NRXN1: variants seen among roughly 807,000 people sequenced by gnomAD.
NRXN1 encodes neurexin 1.
A neutral mutation model predicts 150.9 loss-of-function variants in NRXN1; 39 were observed. The ratio of observed to expected loss-of-function variants is 0.26; its 90% CI spans 0.20 to 0.34. The LOEUF (loss-of-function observed/expected upper bound fraction) is 0.34, where lower values mean the gene tolerates loss of function less well. Ranked by LOEUF, NRXN1 falls within the 10% of genes least tolerant of loss-of-function variation. The pLI, the probability that NRXN1 is intolerant of heterozygous loss-of-function variation, is 1.00. For synonymous variants in NRXN1, 924 were observed against 757.0 expected (o/e 1.22, Z -3.62); for missense variants, 1,815 against 1,949.9 (o/e 0.93, Z 1.30).
At chr2:50,265,989 ATTATTATTAT>A (rs1248668711) in intron 17 of NRXN1, among the ~76,000 whole-genome samples, 1 of 93,712 alleles carries the variant, frequency 1.1e-5, no homozygotes, top group Non-Finnish European at 2.1e-5. Flanking sequence ...TATTATTATT[ATTATTATTAT>A]TTATTTTTTT....
intron 5 of NRXN1, among the ~76,000 whole-genome samples, chr2:50,809,371 T>G (rs1014964131): frequency 6.6e-6 from 1 of 152,150 alleles, no homozygotes; most frequent in Non-Finnish European, 1.5e-5. Flanking sequence ...GGAATTAATG[T>G]CATCCTTTAA....
chr2:50,834,538 A>C (rs1022205152), intron 5 of NRXN1, among the ~76,000 whole-genome samples: 9 of 152,160 alleles, frequency 5.9e-5, no homozygotes, highest in Non-Finnish European at 1.3e-4. Flanking sequence ...GACCAGTTTC[A>C]TGTATCATAA....
At chr2:50,068,217 T>C (rs551988151) in intron 19 of NRXN1, among the ~76,000 whole-genome samples, 1 of 152,288 alleles carries the variant, frequency 6.6e-6, no homozygotes, top group East Asian at 1.9e-4. Flanking sequence ...TGTATGCAAA[T>C]AATTTAAGAT....
chr2:50,591,602 T>A (rs578097059), intron 8 of NRXN1, among the ~76,000 whole-genome samples: 1 of 152,314 alleles, frequency 6.6e-6, no homozygotes, highest in Non-Finnish European at 1.5e-5. Flanking sequence ...TTCTTTGAAG[T>A]TTCCTCACAT....
At chr2:49,997,124 C>T (rs917190258) in intron 21 of NRXN1, among the ~76,000 whole-genome samples, 4 of 152,048 alleles carry the variant, frequency 2.6e-5, no homozygotes, top group African/African-American at 9.7e-5. Flanking sequence ...TTTTCGAACA[C>T]AGTACGTTTG....
At chr2:50,190,368 T>C (rs539082118) in intron 18 of NRXN1, among the ~76,000 whole-genome samples, 1 of 152,228 alleles carries the variant, frequency 6.6e-6, no homozygotes, top group East Asian at 1.9e-4. Context: ...TGCATAAAAG[T>C]TTATTCTTGG....
intron 17 of NRXN1, among the ~76,000 whole-genome samples, chr2:50,280,606 A>C (rs548651633): frequency 9.2e-5 from 14 of 152,188 alleles, no homozygotes; most frequent in Non-Finnish European, 1.6e-4. Context: ...GCCTACCTTA[A>C]AAACGCTTTG....
Position 50,959,984 on chromosome 2 carries a change from T to C in NRXN1, c.773-34029A>G, listed in dbSNP as rs754537939. On this transcript the variant is annotated intron_variant, in intron 2 of 22. Transcript: ENST00000401669. ...TAGTCCTGGACTGCTTCTATAACCA[T>C]TTTCTTATACACAAAAATTCTCCGA... Among the ~76,000 whole-genome samples the C allele has an allele frequency of 3.8e-4, 58 of 152,106 alleles. No homozygotes were observed. In the Middle Eastern group the frequency reaches 0.017, roughly 45 times the overall value.
At chr2:50,243,183 AC>A (rs888671435) in intron 17 of NRXN1, among the ~76,000 whole-genome samples, 29 of 151,838 alleles carry the variant, frequency 1.9e-4, no homozygotes, top group African/African-American at 6.7e-4. Context: ...TGATCTAACA[AC>A]AAAGAAATGA....
intron 19 of NRXN1, among the ~76,000 whole-genome samples, chr2:50,075,840 A>G (rs4971552): frequency 0.53 from 79,692 of 151,680 alleles, 21,128 homozygotes; most frequent in Middle Eastern, 0.58. Flanking sequence ...GGCTATGTAC[A>G]TGCACATGAC....
At chr2:50,270,042 C>G (rs1317152459) in intron 17 of NRXN1, among the ~76,000 whole-genome samples, 1 of 152,168 alleles carries the variant, frequency 6.6e-6, no homozygotes, top group East Asian at 1.9e-4. Context: ...ACTATCCCCT[C>G]CGTTTCTGAC....
At chr2:49,930,601 A>C (rs1669962493) in intron 22 of NRXN1, among the ~76,000 whole-genome samples, 1 of 152,218 alleles carries the variant, frequency 6.6e-6, no homozygotes, top group Admixed American at 6.5e-5. Context: ...CATTAATTCT[A>C]TACTATTGTA....
intron 5 of NRXN1, among the ~76,000 whole-genome samples, chr2:50,653,821 G>A (rs566765303): frequency 4.6e-5 from 7 of 151,854 alleles, no homozygotes; most frequent in Non-Finnish European, 8.8e-5. Flanking sequence ...ACTAAGCTGC[G>A]GTCATTTCCT....
intron 5 of NRXN1, among the ~76,000 whole-genome samples, chr2:50,909,202 G>A (rs1258904819): frequency 6.6e-6 from 1 of 151,938 alleles, no homozygotes; most frequent in African/African-American, 2.4e-5. Flanking sequence ...AATAGTTTCA[G>A]TAGGCAGATT....
chr2:50,541,703 AC>A (rs2093393037), intron 9 of NRXN1, among the ~76,000 whole-genome samples: 1 of 131,378 alleles, frequency 7.6e-6, no homozygotes, highest in South Asian at 2.6e-4. Flanking sequence ...CCACCCACCC[AC>A]CCACACCCAC....
chr2:50,986,354 T>G (rs988064142), intron 2 of NRXN1, among the ~76,000 whole-genome samples: 2 of 151,744 alleles, frequency 1.3e-5, no homozygotes, highest in African/African-American at 4.8e-5. Context: ...TGTATCCATG[T>G]GTGAGTTAAA....
intron 5 of NRXN1, among the ~76,000 whole-genome samples, chr2:50,771,142 G>C (rs962496922): frequency 2.5e-4 from 38 of 152,050 alleles, no homozygotes; most frequent in African/African-American, 8.9e-4. Flanking sequence ...TTGTACTGAA[G>C]AGAGTGCCTG....
At chr2:50,313,667 T>A (rs190013955) in intron 17 of NRXN1, among the ~76,000 whole-genome samples, 1 of 152,178 alleles carries the variant, frequency 6.6e-6, no homozygotes, top group East Asian at 1.9e-4. Flanking sequence ...ACCAACAGCA[T>A]CTCAGTCCAA....
chr2:50,081,304 C>T (rs183464448), intron 19 of NRXN1, among the ~76,000 whole-genome samples: 1 of 152,272 alleles, frequency 6.6e-6, no homozygotes, highest in East Asian at 1.9e-4. Flanking sequence ...CCTGGCCAGG[C>T]GCAGTGGCTC....
Sources: gnomAD v4.1 joint callset for allele counts (sites outside exome capture counted in the v4.1 genomes callset) on GRCh38, gnomAD v4.1.1 for gene constraint, MANE v1.5 for transcripts, NCBI Gene and HGNC (gene_info 2026-07-23, HGNC 2026-07-21) for gene names.